PRDM10: variants seen among roughly 807,000 people sequenced by gnomAD.
PRDM10 encodes the protein PR/SET domain 10.
PRDM10 carries 65 observed loss-of-function variants against 133.1 expected under a neutral mutation model. That is an observed-to-expected ratio of 0.49 (90% CI 0.40 to 0.60). The LOEUF is 0.60. Among genes scored for constraint, PRDM10 ranks in the 20% least tolerant of loss-of-function variants. The pLI is 0.00. For synonymous variants in PRDM10, 582 were observed against 580.4 expected, an observed-to-expected ratio of 1.00 and a Z score of -0.04; for missense variants, 1,137 against 1,507.1, an observed-to-expected ratio of 0.75 and a Z score of 4.07.
At chr11:129,944,650 A>G in intron 6 of PRDM10, 121 bp downstream of exon 6, 1 of 1,390,818 alleles carries the variant, frequency 7.2e-7, no homozygotes, top group Non-Finnish European at 9.8e-7. Context: ...AAGTTAAGAT[A>G]GAAAGAAGAA....
At chr11:129,948,724 C>A (rs1418115511) in intron 4 of PRDM10, among the ~76,000 whole-genome samples, 2 of 152,222 alleles carry the variant, frequency 1.3e-5, no homozygotes, top group Non-Finnish European at 2.9e-5. Flanking sequence ...AACCCTAATT[C>A]ATTCAGTCAT....
chr11:129,917,924 A>G (rs1328862683), intron 14 of PRDM10, among the ~76,000 whole-genome samples: 1 of 152,220 alleles, frequency 6.6e-6, no homozygotes, highest in Non-Finnish European at 1.5e-5. Context: ...TGAGGTCAGG[A>G]GTTTGAGACC....
Position 129,942,555 on chromosome 11 carries a change from C to G in PRDM10, c.837G>C (p.Thr279=), listed in dbSNP as rs145098486. ...EDLWFELSDE[T]LCNWMMFVRP... The stretch of plus-strand genomic sequence containing the variant: ...GTACAAACATCATCCAGTTACAAAG[C>G]GTCTCATCAGACAACTCAAACCATA... The change falls in exon 7 of 21, where the codon ACG becomes ACC. Residue 279 remains threonine (T), a synonymous_variant. Transcript: ENST00000360871. The G allele has an allele frequency of 7.9e-5, 127 of 1,614,022 alleles. No individual in the cohort carries two copies. The African/African-American group carries it at 1.5e-3, about 18-fold the overall frequency.
intron 9 of PRDM10, among the ~76,000 whole-genome samples, chr11:129,933,528 G>A (rs2135823675): frequency 6.6e-6 from 1 of 152,272 alleles, no homozygotes; most frequent in East Asian, 1.9e-4. Context: ...GAGAGTTGCT[G>A]AGTATTATTA....
In PRDM10 at chr11:129,918,503, G is replaced by A. The variant is rs139671765; in HGVS notation, c.2214+36C>T. The A allele has an allele frequency of 4.4e-5, 71 of 1,601,310 alleles. No homozygotes were observed. The East Asian group carries it at 9.9e-4, about 22-fold the overall frequency. On this transcript the variant is annotated intron_variant, in intron 14 of 20. Coordinates refer to ENST00000360871, the MANE Select transcript of PRDM10 (RefSeq NM_199437.2). The surrounding 1 kb of genome is among the most constrained non-coding windows in gnomAD (Gnocchi z 5.3). Reference sequence around the variant, plus strand: ...TCATCGACAGCAATGAGGTATGCTGGGAAGACAGAGGAACCCGCAGCCACT... The same window carrying A: ...TCATCGACAGCAATGAGGTATGCTGAGAAGACAGAGGAACCCGCAGCCACT...
intron 4 of PRDM10, among the ~76,000 whole-genome samples, chr11:129,949,951 A>C (rs1361325277): frequency 8.2e-6 from 1 of 121,896 alleles, no homozygotes; most frequent in Non-Finnish European, 1.7e-5. Flanking sequence ...CCCCAAAAAA[A>C]GAGGCCAGGC....
intron 4 of PRDM10, 133 bp downstream of exon 4, chr11:129,955,379 A>G: frequency 1.3e-6 from 1 of 748,078 alleles, no homozygotes; most frequent in South Asian, 2.5e-5. Context: ...TGTTTTCATT[A>G]AAGGAGCTGG....
intron 11 of PRDM10, 36 bp from the exon 12 acceptor site, chr11:129,925,265 G>T: frequency 6.5e-7 from 1 of 1,536,760 alleles, no homozygotes; most frequent in Non-Finnish European, 8.8e-7. Flanking sequence ...ATTTAGTGAT[G>T]AAATTAAGAG....
intron 1 of PRDM10, among the ~76,000 whole-genome samples, chr11:129,974,074 G>A (rs754245598): frequency 4.6e-5 from 7 of 152,204 alleles, no homozygotes; most frequent in Admixed American, 1.3e-4. Context: ...GACCTGGTAC[G>A]AATTGCCCAG....
At chr11:130,000,280 G>T (rs1939279239) in intron 1 of PRDM10, among the ~76,000 whole-genome samples, 1 of 152,206 alleles carries the variant, frequency 6.6e-6, no homozygotes, top group South Asian at 2.1e-4. Context: ...CTGACCTCAG[G>T]TGATCTGCCC....
chr11:129,977,455 T>C (rs1937839906), intron 1 of PRDM10, among the ~76,000 whole-genome samples: 1 of 152,158 alleles, frequency 6.6e-6, no homozygotes, highest in Admixed American at 6.5e-5. Flanking sequence ...AGCTGATTTT[T>C]GTATTTTTAG....
At chr11:129,971,266 C>T (rs748885069) in intron 1 of PRDM10, among the ~76,000 whole-genome samples, 8 of 152,140 alleles carry the variant, frequency 5.3e-5, no homozygotes, top group Non-Finnish European at 1.0e-4. Flanking sequence ...GAGTTGCCAC[C>T]GCTAGCTCGG....
intron 11 of PRDM10, among the ~76,000 whole-genome samples, chr11:129,928,107 GGTTT>G (rs1950740287): frequency 6.6e-6 from 1 of 152,164 alleles, no homozygotes; most frequent in South Asian, 2.1e-4. Context: ...AAGTTTAGGG[GGTTT>G]GTTTGTTTTT....
In PRDM10 at chr11:129,901,039, A is replaced by G. The variant is rs1162254202; in HGVS notation, c.*1274T>C. 6.6e-6 allele frequency: 1 copy of G among 152,656 alleles called. No individual in the cohort carries two copies. Among genetic ancestry groups the G allele is most frequent in the Non-Finnish European group, 1.5e-5 (1 of 68,034 alleles). 9.5% of individuals were successfully genotyped at this position (152,656 alleles called of 1,614,324 possible). A position where few individuals can be genotyped will look rare whatever the true frequency, so the allele number is the denominator to read the frequency against. ...GAGTAATAAATTCTACTATGCAATAATTATTCTGAAAATGTGTTAGCATGT... is the reference window on the plus strand; with the variant it reads ...GAGTAATAAATTCTACTATGCAATAGTTATTCTGAAAATGTGTTAGCATGT... On this transcript the variant is annotated 3_prime_UTR_variant, in exon 21 of 21. Transcript: ENST00000360871.
At position 129,932,209 on chromosome 11, in the gene PRDM10, G is replaced by A. The variant is rs1256873745; in HGVS notation, c.1180C>T (p.Arg394Ter). ...FSRTRGRGRG[R>*]GKRRFGPGRR... ...CCTGGACCGAATCGCCTCTTGCCTC[G>A]TCCCCTTCCTCTGCCTCTTGTTCTG... Residue 394 changes from arginine (R) to a stop codon, truncating the protein, a stop_gained, in exon 10 of 21, where the codon CGA (arginine) becomes TGA (stop). Coordinates refer to ENST00000360871, the MANE Select transcript of PRDM10 (RefSeq NM_199437.2). LOFTEE classifies it high-confidence loss of function. 1 of 1,613,894 alleles carries A rather than the reference G, an allele frequency of 6.2e-7. No homozygotes were observed. Among genetic ancestry groups the A allele is most frequent in the Non-Finnish European group, 8.5e-7 (1 of 1,179,894 alleles).
At chr11:129,977,815 G>T (rs572866591) in intron 1 of PRDM10, among the ~76,000 whole-genome samples, 1 of 152,086 alleles carries the variant, frequency 6.6e-6, no homozygotes, top group Non-Finnish European at 1.5e-5. Flanking sequence ...AACTAGGCAG[G>T]CATGGTGGTG....
At position 129,983,543 on chromosome 11, in the gene PRDM10, C is replaced by T. The variant is rs578122437; in HGVS notation, c.-119+19179G>A. On this transcript the variant is annotated intron_variant, in intron 1 of 20. Transcript: ENST00000360871. ...TCGATCTCCTGACCTTGTGATCTGC[C>T]GGTCTCGGCCTCCCAAAGTGCTGGG... Among the ~76,000 whole-genome samples, 7 of 152,260 alleles carry T rather than the reference C, an allele frequency of 4.6e-5. No individual in the cohort carries two copies. In the East Asian group the frequency reaches 5.8e-4, roughly 13 times the overall value.
intron 9 of PRDM10, 127 bp from the exon 10 acceptor site, chr11:129,932,358 C>T (rs2135819160): frequency 8.2e-7 from 1 of 1,218,126 alleles, no homozygotes; most frequent in South Asian, 1.7e-5. Flanking sequence ...CCCAGATTTT[C>T]TCCAATAGAA....
intron 1 of PRDM10, among the ~76,000 whole-genome samples, chr11:129,984,492 C>A (rs1041812989): frequency 2.0e-5 from 3 of 152,150 alleles, no homozygotes; most frequent in Non-Finnish European, 4.4e-5. Flanking sequence ...AGCCCCACGG[C>A]CTCACTGTCC....
Sources: allele counts gnomAD v4.1 joint callset (sites outside exome capture counted in the v4.1 genomes callset), GRCh38; gene constraint gnomAD v4.1.1; non-coding constraint Gnocchi (gnomAD v3.1); transcripts MANE v1.5; gene names NCBI Gene and HGNC (gene_info 2026-07-23, HGNC 2026-07-21).